Variants in PEMT observed in about 807,000 individuals in gnomAD.
PEMT encodes the protein phospholipid methyltransferase.
Under a neutral mutation model 27.4 loss-of-function variants are expected in PEMT, and 23 were observed. The ratio of observed to expected loss-of-function variants is 0.84; its 90% CI spans 0.60 to 1.19. The LOEUF (loss-of-function observed/expected upper bound fraction) is 1.19, where lower values mean the gene tolerates loss of function less well. Ranked by LOEUF, PEMT falls within the 50% of genes most tolerant of loss-of-function variation. The pLI, the probability that PEMT is intolerant of heterozygous loss-of-function variation, is 0.00. For missense variants in PEMT, 307 were observed against 310.1 expected (o/e 0.99, Z 0.07); for synonymous variants, 137 against 139.1 (o/e 0.98, Z 0.11).
intron 2 of PEMT, among the ~76,000 whole-genome samples, chr17:17,540,824 G>A (rs571522232): frequency 3.3e-5 from 5 of 152,326 alleles, no homozygotes; most frequent in East Asian, 1.9e-4. Flanking sequence ...CATCACTGGC[G>A]AGTGAATGGG....
intron 1 of PEMT, among the ~76,000 whole-genome samples, chr17:17,589,696 CG>C (rs1912496953): frequency 6.6e-6 from 1 of 152,122 alleles, no homozygotes; most frequent in Non-Finnish European, 1.5e-5. Context: ...ATTTTAAAAC[CG>C]GAGATTTTGA....
chr17:17,568,893 C>T (rs766240240), intron 2 of PEMT, among the ~76,000 whole-genome samples: 2 of 152,166 alleles, frequency 1.3e-5, no homozygotes, highest in South Asian at 2.1e-4. Context: ...TTGCCCACAG[C>T]GCCACCTACC....
chr17:17,553,298 T>C (rs759850819), intron 2 of PEMT, among the ~76,000 whole-genome samples: 33 of 152,184 alleles, frequency 2.2e-4, no homozygotes, highest in Non-Finnish European at 3.7e-4. Context: ...CCGTCCTGGC[T>C]CAGGGCAGTG....
chr17:17,576,992 GT>G lies in PEMT; in HGVS notation c.131del (p.Tyr44SerfsTer36). ...DFCVMTRLLGYVDPLDPSFVA... is the reference protein window; with the variant it reads ...DFCVMTRLLGXVDPLDPSFVA... ...CAAAGCTGGGATCCAGGGGGTCCAC[GT>G]AGCCCAGCAGCCGGGTCATAACGCA... On this transcript the variant is annotated frameshift_variant, in exon 2 of 7. Transcript: ENST00000255389. LOFTEE classifies it high-confidence loss of function. 1 of 1,614,020 alleles carries G rather than the reference GT, an allele frequency of 6.2e-7. No individual in the cohort carries two copies. The highest frequency in any genetic ancestry group is 8.5e-7 in the Non-Finnish European group (1 of 1,179,972).
intron 1 of PEMT, among the ~76,000 whole-genome samples, chr17:17,581,655 A>G (rs1046922118): frequency 6.6e-6 from 1 of 152,148 alleles, no homozygotes; most frequent in East Asian, 1.9e-4. Flanking sequence ...GAGTCTCCCA[A>G]TTAGGGCTGA....
chr17:17,553,539 C>T (rs571615051), intron 2 of PEMT, among the ~76,000 whole-genome samples: 1 of 152,330 alleles, frequency 6.6e-6, no homozygotes, highest in South Asian at 2.1e-4. Context: ...GCCCCTCACT[C>T]TGGATCCCCC....
At chr17:17,541,822 C>T (rs1473639062) in intron 2 of PEMT, among the ~76,000 whole-genome samples, 1 of 152,186 alleles carries the variant, frequency 6.6e-6, no homozygotes, top group Non-Finnish European at 1.5e-5. Context: ...CTCATGAGCC[C>T]CTTGCCCAGA....
At chr17:17,506,580 G>A (rs929077124) in intron 5 of PEMT, among the ~76,000 whole-genome samples, 7 of 152,354 alleles carry the variant, frequency 4.6e-5, no homozygotes, top group Non-Finnish European at 1.0e-4. Flanking sequence ...ACTCTTTCCG[G>A]GTCTCCAGCC....
At chr17:17,549,942 C>T (rs985691313) in intron 2 of PEMT, among the ~76,000 whole-genome samples, 9 of 152,138 alleles carry the variant, frequency 5.9e-5, no homozygotes, top group African/African-American at 1.4e-4. Context: ...GGGTGGGCAG[C>T]GTGGGCGCAG....
chr17:17,540,799 G>A (rs551922368), intron 2 of PEMT, among the ~76,000 whole-genome samples: 1 of 152,316 alleles, frequency 6.6e-6, no homozygotes, highest in South Asian at 2.1e-4. Context: ...GACAGCACCT[G>A]GCACAGTGCC....
intron 2 of PEMT, among the ~76,000 whole-genome samples, chr17:17,552,842 G>A (rs1247081604): frequency 6.6e-6 from 1 of 152,222 alleles, no homozygotes; most frequent in African/African-American, 2.4e-5. Flanking sequence ...CAGTGAAGAG[G>A]TGTCAAATCT....
chr17:17,530,463 C>T (rs12945144), intron 2 of PEMT, among the ~76,000 whole-genome samples: 69,296 of 151,878 alleles, frequency 0.46, 16,412 homozygotes, highest in Non-Finnish European at 0.54. Flanking sequence ...CCATTGCACT[C>T]CAGCCTGGGT....
chr17:17,530,134 G>T (rs1907985132), intron 2 of PEMT, among the ~76,000 whole-genome samples: 1 of 152,206 alleles, frequency 6.6e-6, no homozygotes, highest in South Asian at 2.1e-4. Context: ...GGTGAGGGAG[G>T]AGACATGCCA....
intron 1 of PEMT, chr17:17,578,886 T>A (rs1911801718): frequency 6.6e-6 from 1 of 152,022 alleles, no homozygotes; most frequent in Non-Finnish European, 1.5e-5. Context: ...TGTACAAACC[T>A]CCATGTTCTG....
At chr17:17,586,196 A>C (rs1341036524) in intron 1 of PEMT, among the ~76,000 whole-genome samples, 1 of 146,436 alleles carries the variant, frequency 6.8e-6, no homozygotes, top group African/African-American at 2.6e-5. Flanking sequence ...AAAAGAAGGA[A>C]GGAAAGAAAG....
At chr17:17,569,102 G>A (rs146088359) in intron 2 of PEMT, among the ~76,000 whole-genome samples, 36 of 152,340 alleles carry the variant, frequency 2.4e-4, no homozygotes, top group African/African-American at 7.9e-4. Context: ...ACTGACTTGG[G>A]TTCCAGGGAA....
intron 2 of PEMT, among the ~76,000 whole-genome samples, chr17:17,534,723 C>A (rs1908332960): frequency 6.6e-6 from 1 of 152,104 alleles, no homozygotes; most frequent in African/African-American, 2.4e-5. Flanking sequence ...GTAGCCCCAG[C>A]TACTCTGGAA....
intron 2 of PEMT, among the ~76,000 whole-genome samples, chr17:17,563,213 T>C (rs986677842): frequency 6.6e-6 from 1 of 151,356 alleles, no homozygotes; most frequent in Non-Finnish European, 1.5e-5. Flanking sequence ...ACGTTGGGGG[T>C]TCCCACCAGC....
chr17:17,582,235 C>CGGA lies in PEMT; in HGVS notation c.97-5211_97-5209dup. On this transcript the variant is annotated intron_variant, in intron 1 of 6. Coordinates refer to ENST00000255389, the MANE Select transcript of PEMT (RefSeq NM_148172.3). The surrounding 1 kb of genome is among the most constrained non-coding windows in gnomAD (Gnocchi z 4.9). The stretch of plus-strand genomic sequence containing the variant: ...CCAAGGCTCCAGGTTGCAGAGGCCT[C>CGGA]GGAATCTGACTAAAGGAAAGGAGCT... 10 of 983,676 alleles carry CGGA rather than the reference C, an allele frequency of 1.0e-5. No individual in the cohort carries two copies. Among genetic ancestry groups the CGGA allele is most frequent in the Non-Finnish European group, 1.2e-5 (10 of 828,370 alleles). 60.9% of individuals were successfully genotyped at this position (983,676 alleles called of 1,614,324 possible). A position where few individuals can be genotyped will look rare whatever the true frequency, so the allele number is the denominator to read the frequency against.
Sources: allele counts gnomAD v4.1 joint callset (sites outside exome capture counted in the v4.1 genomes callset), GRCh38; gene constraint gnomAD v4.1.1; non-coding constraint Gnocchi (gnomAD v3.1); transcripts MANE v1.5; gene names NCBI Gene and HGNC (gene_info 2026-07-23, HGNC 2026-07-21).